DOCK4: variants seen among roughly 807,000 people sequenced by gnomAD.
The protein encoded by DOCK4 is dedicator of cytokinesis 4.
DOCK4 carries 97 observed loss-of-function variants against 268.1 expected under a neutral mutation model. The observed-to-expected ratio is 0.36, with a 90% confidence interval of 0.31 to 0.43. The LOEUF (loss-of-function observed/expected upper bound fraction) is 0.43. Among genes scored for constraint, DOCK4 ranks in the 20% least tolerant of loss-of-function variants. The pLI, the probability that DOCK4 is intolerant of heterozygous loss-of-function variation, is 1.00. For synonymous variants in DOCK4, 954 were observed against 887.2 expected, an observed-to-expected ratio of 1.08 and a Z score of -1.34; for missense variants, 2,145 against 2,455.7, an observed-to-expected ratio of 0.87 and a Z score of 2.67.
chr7:111,837,008 T>C (rs770278819), intron 25 of DOCK4, among the ~76,000 whole-genome samples: 1 of 151,970 alleles, frequency 6.6e-6, no homozygotes, highest in Non-Finnish European at 1.5e-5. Context: ...TTGAAAATTA[T>C]AAACCTGTAT....
chr7:112,013,096 T>C (rs1801493051), intron 1 of DOCK4, among the ~76,000 whole-genome samples: 1 of 152,220 alleles, frequency 6.6e-6, no homozygotes, highest in Non-Finnish European at 1.5e-5. Flanking sequence ...TCTATAACGT[T>C]CTCTCCAGCA....
In DOCK4 at chr7:112,164,803, T is replaced by G. The variant is rs561274501; in HGVS notation, c.37+41299A>C. 8.5e-5 allele frequency among the ~76,000 whole-genome samples: 13 copies of G among 152,366 alleles called. No homozygotes were observed. In the South Asian group the frequency reaches 2.5e-3, roughly 29 times the overall value. ...TATTTCATCACACAGATGAGGAAGC[T>G]AAGGCTTAAATACCTAGTAAGTGGC... On this transcript the variant is annotated intron_variant, in intron 1 of 52. Transcript: ENST00000428084.
Position 111,917,019 on chromosome 7 carries a change from C to T in DOCK4, c.1067-1115G>A, listed in dbSNP as rs561002962. 2.4e-4 allele frequency among the ~76,000 whole-genome samples: 32 copies of T among 135,184 alleles called. No individual in the cohort carries two copies. The South Asian group carries it at 7.3e-3, about 31-fold the overall frequency. The allele number at this position is 135,184 out of a possible 152,430, so 88.7% of individuals were successfully genotyped here. On this transcript the variant is annotated intron_variant, in intron 12 of 52. Coordinates refer to ENST00000428084, the MANE Select transcript of DOCK4 (RefSeq NM_001363540.2). ...TTTTTTTTTTTTTGAGACGGAGTCA[C>T]GCTCTGTTCCCAGGCTGGAGTACAG...
At chr7:112,089,827 C>T (rs1809463217) in intron 1 of DOCK4, among the ~76,000 whole-genome samples, 1 of 152,178 alleles carries the variant, frequency 6.6e-6, no homozygotes, top group Non-Finnish European at 1.5e-5. Context: ...AGCCACACTT[C>T]CTGTACAGCC....
intron 1 of DOCK4, among the ~76,000 whole-genome samples, chr7:112,149,950 G>A (rs1297309175): frequency 1.3e-5 from 2 of 152,192 alleles, no homozygotes; most frequent in Non-Finnish European, 2.9e-5. Context: ...GACATTTACT[G>A]AACATTTACT....
intron 13 of DOCK4, among the ~76,000 whole-genome samples, chr7:111,911,598 A>G (rs983976188): frequency 2.6e-5 from 4 of 152,172 alleles, no homozygotes; most frequent in African/African-American, 9.7e-5. Context: ...ACAAGGTGGT[A>G]CCGGAAAGGG....
chr7:111,942,191 AG>A (rs1795268896), intron 10 of DOCK4, among the ~76,000 whole-genome samples: 1 of 152,178 alleles, frequency 6.6e-6, no homozygotes, highest in Non-Finnish European at 1.5e-5. Context: ...GGAGGCATAG[AG>A]GTTGAAGAAA....
chr7:111,882,728 T>A (rs1807504593), intron 16 of DOCK4, among the ~76,000 whole-genome samples: 1 of 152,104 alleles, frequency 6.6e-6, no homozygotes, highest in Non-Finnish European at 1.5e-5. Flanking sequence ...TTCTCCTGCC[T>A]CAGCCTCCCA....
intron 1 of DOCK4, among the ~76,000 whole-genome samples, chr7:112,154,697 G>A (rs1052055777): frequency 1.3e-5 from 2 of 152,144 alleles, no homozygotes; most frequent in Non-Finnish European, 1.5e-5. Context: ...GAACACTGGC[G>A]TGGGGTTGAC....
rs554065344 is a variant in DOCK4 at position 112,203,982 on chromosome 7, A to T, written c.37+2120T>A. On this transcript the variant is annotated intron_variant, in intron 1 of 52. Transcript: ENST00000428084. ...ATGTGATATTGAGAACAACAGCAGT[A>T]ATTTGGGGCAAAAGACCCTCTCTCT... is the stretch of plus-strand genomic sequence containing the variant. Among the ~76,000 whole-genome samples, 31 of 152,298 alleles carry T rather than the reference A, an allele frequency of 2.0e-4. No individual in the cohort carries two copies. In the South Asian group the frequency reaches 6.2e-3, roughly 31 times the overall value.
At chr7:112,094,812 T>A in intron 1 of DOCK4, among the ~76,000 whole-genome samples, 1 of 152,238 alleles carries the variant, frequency 6.6e-6, no homozygotes, top group South Asian at 2.1e-4. Flanking sequence ...GTTCTCATGA[T>A]AGATATGGTC....
At chr7:112,046,093 C>G (rs999198591) in intron 1 of DOCK4, among the ~76,000 whole-genome samples, 19 of 152,124 alleles carry the variant, frequency 1.2e-4, no homozygotes, top group Admixed American at 1.3e-4. Flanking sequence ...CTTGTCAACT[C>G]AAAACATCCT....
At chr7:111,888,071 G>A (rs1038983601) in intron 16 of DOCK4, among the ~76,000 whole-genome samples, 6 of 151,888 alleles carry the variant, frequency 4.0e-5, no homozygotes, top group Non-Finnish European at 7.4e-5. Flanking sequence ...GCTGGGAAGT[G>A]GTGGGGTAGG....
intron 50 of DOCK4, among the ~76,000 whole-genome samples, chr7:111,736,306 G>A (rs773952486): frequency 2.6e-5 from 4 of 152,098 alleles, no homozygotes; most frequent in African/African-American, 4.8e-5. Flanking sequence ...TGCAAGCCCC[G>A]ACCCCGTAGC....
intron 23 of DOCK4, among the ~76,000 whole-genome samples, chr7:111,850,259 G>A (rs957189655): frequency 6.6e-6 from 1 of 152,082 alleles, no homozygotes; most frequent in African/African-American, 2.4e-5. Flanking sequence ...TGTCCTCAGC[G>A]AGAATCCTGT....
intron 8 of DOCK4, among the ~76,000 whole-genome samples, chr7:111,947,789 T>C (rs1287785969): frequency 6.6e-6 from 1 of 152,144 alleles, no homozygotes; most frequent in African/African-American, 2.4e-5. Context: ...AGTGGCACAA[T>C]CTCGGCTCAC....
At chr7:112,192,999 T>C (rs979238337) in intron 1 of DOCK4, among the ~76,000 whole-genome samples, 1 of 152,144 alleles carries the variant, frequency 6.6e-6, no homozygotes, top group African/African-American at 2.4e-5. Context: ...GGACCTGATA[T>C]TCAACAGCCA....
intron 1 of DOCK4, among the ~76,000 whole-genome samples, chr7:112,070,097 G>A (rs1047044444): frequency 4.0e-4 from 61 of 152,206 alleles, no homozygotes; most frequent in African/African-American, 1.1e-3. Context: ...TAATGGCAGT[G>A]TGGAAGATGG....
Position 111,728,606 on chromosome 7 carries a change from A to C in DOCK4, c.5596T>G (p.Cys1866Gly), listed in dbSNP as rs770191065. 17 of 1,613,892 alleles carry C rather than the reference A, an allele frequency of 1.1e-5. No homozygotes were observed. The highest frequency in any genetic ancestry group is 1.4e-5 in the Non-Finnish European group (17 of 1,179,896). Residue 1866 changes from cysteine (C) to glycine (G), a missense_variant, in exon 53 of 53, where the codon TGC (cysteine) becomes GGC (glycine). Transcript: ENST00000428084. ...AAGCCTGAGGTTTCCGACGTGCTGC[A>C]CCGGCTGAGAGAAGAAATCCCACTG... ...YSSGISSLSR[C>G]STSETSGFEN...
Sources: allele counts gnomAD v4.1 joint callset (sites outside exome capture counted in the v4.1 genomes callset), GRCh38; gene constraint gnomAD v4.1.1; transcripts MANE v1.5; gene names NCBI Gene and HGNC (gene_info 2026-07-23, HGNC 2026-07-21).